NT5C3A: variants seen among roughly 807,000 people sequenced by gnomAD.
NT5C3A encodes cytosolic 5'-nucleotidase 3A.
In NT5C3A, 23 loss-of-function variants were observed where a neutral mutation model predicts 40.0. That is an observed-to-expected ratio of 0.58 (90% CI 0.41 to 0.81). The LOEUF is 0.81. Ranked by LOEUF, NT5C3A falls within the 40% of genes least tolerant of loss-of-function variation. The pLI is 0.00. For missense variants in NT5C3A, 328 were observed against 403.0 expected (o/e 0.81, Z 1.59); for synonymous variants, 130 against 141.4 (o/e 0.92, Z 0.57).
chr7:33,031,672 AAACT>A (rs1345312879), intron 1 of NT5C3A, among the ~76,000 whole-genome samples: 1 of 152,190 alleles, frequency 6.6e-6, no homozygotes, highest in Non-Finnish European at 1.5e-5. Flanking sequence ...TATTATTCTT[AAACT>A]AAAAATAAAA....
chr7:33,047,975 A>G (rs1358254282), intron 1 of NT5C3A, among the ~76,000 whole-genome samples: 1 of 146,244 alleles, frequency 6.8e-6, no homozygotes, highest in East Asian at 2.0e-4. Flanking sequence ...ATGTGCCACC[A>G]CACCTGGCTT....
intron 1 of NT5C3A, among the ~76,000 whole-genome samples, chr7:33,035,014 A>G (rs1157975638): frequency 1.2e-5 from 1 of 80,822 alleles, no homozygotes; most frequent in Non-Finnish European, 2.5e-5. Context: ...CAGTTAAAAC[A>G]CTCACTAACG....
At chr7:33,034,720 A>G (rs561453348) in intron 1 of NT5C3A, among the ~76,000 whole-genome samples, 1 of 152,216 alleles carries the variant, frequency 6.6e-6, no homozygotes, top group Non-Finnish European at 1.5e-5. Flanking sequence ...GGTTGGGGGA[A>G]AGATGAACAA....
chr7:33,040,747 A>G (rs1429054177), intron 1 of NT5C3A: 2 of 303,784 alleles, frequency 6.6e-6, no homozygotes, highest in African/African-American at 4.5e-5. Context: ...ATTATACTGG[A>G]ACATTATTTT....
intron 1 of NT5C3A, among the ~76,000 whole-genome samples, chr7:33,028,361 T>C (rs1786064586): frequency 6.6e-6 from 1 of 152,240 alleles, no homozygotes; most frequent in Non-Finnish European, 1.5e-5. Flanking sequence ...TTACTAGCTA[T>C]TTTATCACAA....
At chr7:33,060,238 C>T (rs773196514) in intron 1 of NT5C3A, among the ~76,000 whole-genome samples, 2 of 152,212 alleles carry the variant, frequency 1.3e-5, no homozygotes, top group Non-Finnish European at 2.9e-5. Flanking sequence ...CAGGCGTGAG[C>T]CACTGTACCC....
chr7:33,033,290 A>G (rs1367181272), intron 1 of NT5C3A, among the ~76,000 whole-genome samples: 1 of 152,226 alleles, frequency 6.6e-6, no homozygotes, highest in Non-Finnish European at 1.5e-5. Context: ...AAAGCCACCT[A>G]TTCAAACTGG....
At chr7:33,038,697 C>T (rs1440749598) in intron 1 of NT5C3A, 4 of 354,266 alleles carry the variant, frequency 1.1e-5, no homozygotes, top group Non-Finnish European at 2.2e-5. Context: ...AGTGTAAAGA[C>T]TCAGGTGTAA....
At chr7:33,037,905 G>C (rs1480302511) in intron 1 of NT5C3A, among the ~76,000 whole-genome samples, 1 of 152,134 alleles carries the variant, frequency 6.6e-6, no homozygotes, top group Non-Finnish European at 1.5e-5. Context: ...TTGGGGATTA[G>C]TAGTCTTTAG....
intron 1 of NT5C3A, among the ~76,000 whole-genome samples, chr7:33,053,279 C>T (rs544122532): frequency 3.3e-5 from 5 of 152,186 alleles, no homozygotes; most frequent in African/African-American, 7.2e-5. Context: ...CCTCTGCCTC[C>T]CGGGTTCAAG....
At chr7:33,018,541 G>T (rs1785460711) in intron 6 of NT5C3A, among the ~76,000 whole-genome samples, 1 of 152,120 alleles carries the variant, frequency 6.6e-6, no homozygotes. Context: ...ATTTTACGAG[G>T]TAATAAACAG....
intron 7 of NT5C3A, among the ~76,000 whole-genome samples, chr7:33,016,174 G>A (rs535496517): frequency 2.6e-5 from 4 of 150,972 alleles, no homozygotes; most frequent in East Asian, 2.0e-4. Context: ...TCAGGAGTTC[G>A]AGACCAGACT....
At chr7:33,038,382 T>G (rs1786721892) in intron 1 of NT5C3A, among the ~76,000 whole-genome samples, 2 of 152,102 alleles carry the variant, frequency 1.3e-5, no homozygotes, top group Non-Finnish European at 2.9e-5. Flanking sequence ...AACATACATT[T>G]TGAGTTTAAA....
chr7:33,053,565 G>GT (rs1189727873), intron 1 of NT5C3A, among the ~76,000 whole-genome samples: 2 of 151,392 alleles, frequency 1.3e-5, no homozygotes, highest in African/African-American at 2.4e-5. Flanking sequence ...GGAGGCTGAG[G>GT]GGGGAAGACG....
Position 33,061,166 on chromosome 7 carries a change from C to G in NT5C3A, c.138+1402G>C, listed in dbSNP as rs551341217. On this transcript the variant is annotated intron_variant, in intron 1 of 8. Coordinates refer to ENST00000610140, the MANE Select transcript of NT5C3A (RefSeq NM_001002010.5). ...GGGAGATATGGCAACTCGGTTTTTT[C>G]CCCTACATAGGCATTATTAACCTTG... Among the ~76,000 whole-genome samples the G allele has an allele frequency of 5.6e-4, 85 of 152,192 alleles. 1 individual carries two copies. Among genetic ancestry groups the G allele is most frequent in the African/African-American group, 1.9e-3 (77 of 41,526 alleles).
intron 1 of NT5C3A, among the ~76,000 whole-genome samples, chr7:33,054,337 G>T (rs1281041443): frequency 6.9e-6 from 1 of 144,036 alleles, no homozygotes; most frequent in Non-Finnish European, 1.5e-5. Flanking sequence ...CTGGGTGGCA[G>T]AGTAAGACCC....
At chr7:33,028,358 C>G (rs1583917387) in intron 1 of NT5C3A, among the ~76,000 whole-genome samples, 1 of 152,180 alleles carries the variant, frequency 6.6e-6, no homozygotes, top group African/African-American at 2.4e-5. Flanking sequence ...TTGTTACTAG[C>G]TATTTTATCA....
At chr7:33,036,457 T>TG (rs1786609452) in intron 1 of NT5C3A, 2 of 172,776 alleles carry the variant, frequency 1.2e-5, no homozygotes, top group African/African-American at 4.8e-5. Flanking sequence ...ACATAAAGCA[T>TG]CTTTTTTTTT....
At chr7:33,055,179 G>C (rs1248137516) in intron 1 of NT5C3A, among the ~76,000 whole-genome samples, 5 of 152,048 alleles carry the variant, frequency 3.3e-5, no homozygotes, top group African/African-American at 1.2e-4. Context: ...ACAAAAATTA[G>C]CTGGGCGTGG....
Sources: allele counts gnomAD v4.1 joint callset (sites outside exome capture counted in the v4.1 genomes callset), GRCh38; gene constraint gnomAD v4.1.1; transcripts MANE v1.5; gene names NCBI Gene and HGNC (gene_info 2026-07-23, HGNC 2026-07-21).